Variants in ANKS1B observed in about 807,000 individuals in gnomAD.
ANKS1B encodes the protein ankyrin repeat and sterile alpha motif domain containing 1B, also known as ankyrin repeat and sterile alpha motif domain-containing protein 1B.
A neutral mutation model predicts 148.3 loss-of-function variants in ANKS1B; 36 were observed. The observed-to-expected ratio is 0.24, with a 90% confidence interval of 0.19 to 0.32. The LOEUF (loss-of-function observed/expected upper bound fraction) is 0.32, where lower values mean the gene tolerates loss of function less well. Ranked by LOEUF, ANKS1B falls within the 10% of genes least tolerant of loss-of-function variation. The probability of loss-of-function intolerance (pLI) is 1.00; values close to 1 mark genes in which losing one functional copy is unlikely to be tolerated. For missense variants in ANKS1B, 1,157 were observed against 1,542.6 expected, an observed-to-expected ratio of 0.75 and a Z score of 4.19; for synonymous variants, 542 against 560.8, an observed-to-expected ratio of 0.97 and a Z score of 0.47.
chr12:99,687,005 ATCTT>A (rs2098653349), intron 8 of ANKS1B, among the ~76,000 whole-genome samples: 1 of 152,078 alleles, frequency 6.6e-6, no homozygotes, highest in Non-Finnish European at 1.5e-5. Context: ...ACTTCCTTTA[ATCTT>A]TCTATGAGAA....
intron 2 of ANKS1B, among the ~76,000 whole-genome samples, chr12:99,823,770 T>C (rs1360245726): frequency 1.3e-5 from 2 of 152,242 alleles, no homozygotes; most frequent in African/African-American, 2.4e-5. Flanking sequence ...TTGTATATGG[T>C]GAAAGGTTAA....
At chr12:99,084,622 G>A (rs2050976782) in intron 16 of ANKS1B, among the ~76,000 whole-genome samples, 1 of 152,160 alleles carries the variant, frequency 6.6e-6, no homozygotes, top group Non-Finnish European at 1.5e-5. Flanking sequence ...GGAAGATGAA[G>A]CAGGAGAATT....
intron 8 of ANKS1B, among the ~76,000 whole-genome samples, chr12:99,699,648 T>C (rs1469364338): frequency 2.6e-5 from 4 of 152,196 alleles, no homozygotes; most frequent in African/African-American, 4.8e-5. Flanking sequence ...TGCTAAACGA[T>C]ACAAAAATTA....
At chr12:99,101,471 T>C (rs2057920444) in intron 15 of ANKS1B, among the ~76,000 whole-genome samples, 1 of 152,234 alleles carries the variant, frequency 6.6e-6, no homozygotes, top group Non-Finnish European at 1.5e-5. Flanking sequence ...GTGTTAAGAA[T>C]AACTGTCAGC....
At chr12:99,881,991 T>TG (rs1314428936) in intron 1 of ANKS1B, among the ~76,000 whole-genome samples, 5 of 152,276 alleles carry the variant, frequency 3.3e-5, no homozygotes, top group Middle Eastern at 3.4e-3. Context: ...ATACATATGT[T>TG]AGAATTACCT....
At chr12:99,631,017 TCTC>T (rs1330573530) in intron 9 of ANKS1B, among the ~76,000 whole-genome samples, 1 of 152,046 alleles carries the variant, frequency 6.6e-6, no homozygotes, top group Non-Finnish European at 1.5e-5. Flanking sequence ...AAAGGGGAGT[TCTC>T]CTGTACATGC....
At chr12:98,772,310 T>C (rs1288054245) in intron 25 of ANKS1B, among the ~76,000 whole-genome samples, 1 of 152,110 alleles carries the variant, frequency 6.6e-6, no homozygotes, top group Non-Finnish European at 1.5e-5. Context: ...CTGGTGTCCT[T>C]ACAAGAAGAG....
intron 9 of ANKS1B, among the ~76,000 whole-genome samples, chr12:99,562,353 A>G (rs2097345232): frequency 6.6e-6 from 1 of 152,220 alleles, no homozygotes; most frequent in Admixed American, 6.5e-5. Flanking sequence ...CTGACAAAAG[A>G]GTCAGCCTGT....
chr12:99,310,551 T>G (rs1259635183), intron 12 of ANKS1B, among the ~76,000 whole-genome samples: 2 of 152,172 alleles, frequency 1.3e-5, no homozygotes, highest in Non-Finnish European at 1.5e-5. Context: ...GCTCTTTTCC[T>G]GCTTTCAGAC....
intron 8 of ANKS1B, among the ~76,000 whole-genome samples, chr12:99,699,184 G>A (rs532524458): frequency 6.6e-5 from 10 of 152,160 alleles, no homozygotes; most frequent in South Asian, 4.1e-4. Context: ...AGACACATAC[G>A]TGTGTGTGCA....
At chr12:99,746,956 G>A (rs1251402854) in intron 8 of ANKS1B, among the ~76,000 whole-genome samples, 2 of 151,970 alleles carry the variant, frequency 1.3e-5, no homozygotes, top group Admixed American at 1.3e-4. Flanking sequence ...ACTAAATTCA[G>A]TGTCATGGAA....
At chr12:99,949,260 C>T (rs1483461188) in intron 1 of ANKS1B, among the ~76,000 whole-genome samples, 1 of 152,098 alleles carries the variant, frequency 6.6e-6, no homozygotes, top group Non-Finnish European at 1.5e-5. Context: ...GGAGAGAAAC[C>T]AGGAACAGTT....
intron 8 of ANKS1B, among the ~76,000 whole-genome samples, chr12:99,667,613 C>T (rs1296798432): frequency 1.3e-5 from 2 of 152,058 alleles, no homozygotes; most frequent in African/African-American, 4.8e-5. Context: ...GCCAGAATTG[C>T]CAGTACAATG....
At chr12:99,464,658 G>T (rs1027668183) in intron 10 of ANKS1B, among the ~76,000 whole-genome samples, 1 of 152,196 alleles carries the variant, frequency 6.6e-6, no homozygotes, top group African/African-American at 2.4e-5. Context: ...GAAGCCTCAG[G>T]AGCCGATGCG....
At chr12:99,846,727 T>C (rs1290307924) in intron 1 of ANKS1B, among the ~76,000 whole-genome samples, 1 of 152,134 alleles carries the variant, frequency 6.6e-6, no homozygotes, top group Non-Finnish European at 1.5e-5. Context: ...CATAGTGCCA[T>C]GACCACTAAA....
At chr12:99,365,517 G>A (rs953396841) in intron 12 of ANKS1B, among the ~76,000 whole-genome samples, 2 of 152,166 alleles carry the variant, frequency 1.3e-5, no homozygotes, top group Admixed American at 6.5e-5. Flanking sequence ...GGATGATTCC[G>A]GGTATAGAGA....
intron 1 of ANKS1B, among the ~76,000 whole-genome samples, chr12:99,828,869 G>T (rs1191246935): frequency 6.6e-6 from 1 of 152,100 alleles, no homozygotes; most frequent in African/African-American, 2.4e-5. Flanking sequence ...TGTAGTCCCA[G>T]CTACTTGGGA....
intron 9 of ANKS1B, among the ~76,000 whole-genome samples, chr12:99,646,766 T>C (rs1293805072): frequency 6.6e-6 from 1 of 151,298 alleles, no homozygotes; most frequent in Non-Finnish European, 1.5e-5. Context: ...AATAAAGATA[T>C]TATAATCTTA....
At chr12:99,347,743 G>T (rs1592802557) in intron 12 of ANKS1B, among the ~76,000 whole-genome samples, 1 of 151,738 alleles carries the variant, frequency 6.6e-6, no homozygotes, top group African/African-American at 2.4e-5. Flanking sequence ...AGAAGAATCG[G>T]ATTTCCAGTT....
Sources: gnomAD v4.1 joint callset for allele counts (sites outside exome capture counted in the v4.1 genomes callset) on GRCh38, gnomAD v4.1.1 for gene constraint, MANE v1.5 for transcripts, NCBI Gene and HGNC (gene_info 2026-07-23, HGNC 2026-07-21) for gene names.